Variants in ARHGAP21 observed in about 807,000 individuals in gnomAD.
ARHGAP21 encodes Rho GTPase activating protein 21.
Under a neutral mutation model 164.6 loss-of-function variants are expected in ARHGAP21, and 38 were observed. The ratio of observed to expected loss-of-function variants is 0.23; its 90% CI spans 0.18 to 0.30. ARHGAP21 has a LOEUF of 0.30. Ranked by LOEUF, ARHGAP21 falls within the 10% of genes least tolerant of loss-of-function variation. The pLI is 1.00. For missense variants in ARHGAP21, 1,822 were observed against 2,370.7 expected (o/e 0.77, Z 4.81); for synonymous variants, 766 against 857.9 (o/e 0.89, Z 1.87).
chr10:24,686,767 T>A (rs1842249919), intron 2 of ARHGAP21, among the ~76,000 whole-genome samples: 1 of 152,318 alleles, frequency 6.6e-6, no homozygotes, highest in Admixed American at 6.5e-5. Flanking sequence ...GGGCGGCACA[T>A]CCCTGCAGAT....
chr10:24,705,294 TAGC>T (rs1041117868), intron 2 of ARHGAP21, among the ~76,000 whole-genome samples: 4 of 152,182 alleles, frequency 2.6e-5, no homozygotes, highest in African/African-American at 9.7e-5. Context: ...TTTATCCTCT[TAGC>T]AGCCATTCAA....
chr10:24,586,527 T>C (rs1053929542), intron 25 of ARHGAP21, among the ~76,000 whole-genome samples: 10 of 152,106 alleles, frequency 6.6e-5, no homozygotes, highest in African/African-American at 2.2e-4. Context: ...CTGATATAGG[T>C]TATTAAACAT....
At chr10:24,622,787 T>G (rs371004386) in intron 7 of ARHGAP21, 25 bp from the exon 8 acceptor site, 6 of 1,605,934 alleles carry the variant, frequency 3.7e-6, no homozygotes, top group Non-Finnish European at 5.1e-6. Context: ...GAAAACATAG[T>G]AGAAGCTGCT....
chr10:24,587,333 G>A (rs529698795), intron 25 of ARHGAP21, among the ~76,000 whole-genome samples: 10 of 152,036 alleles, frequency 6.6e-5, no homozygotes, highest in African/African-American at 2.4e-4. Context: ...AATATCTGCT[G>A]GTTTACCACA....
rs535556804 is a variant in ARHGAP21, at chr10:24,643,686, G to A, written c.269-8583C>T. On this transcript the variant is annotated intron_variant, in intron 4 of 25. Coordinates refer to ENST00000396432, the MANE Select transcript of ARHGAP21 (RefSeq NM_020824.4). ...ATTCGATGTGCCAATCTCTAACTAC[G>A]GAGAATTCCAAAATACACCTGCTCT... Among the ~76,000 whole-genome samples, 62 of 152,154 alleles carry A rather than the reference G, an allele frequency of 4.1e-4. No homozygotes were observed. The South Asian group carries it at 0.012, about 31-fold the overall frequency.
chr10:24,605,843 C>G lies in ARHGAP21; in HGVS notation c.2685-1495G>C, dbSNP rs1256723449. 2.6e-5 allele frequency: 4 copies of G among 152,004 alleles called. No homozygotes were observed. In the East Asian group the frequency reaches 7.7e-4, roughly 29 times the overall value. The allele number at this position is 152,004 out of a possible 1,614,324, so 9.4% of individuals were successfully genotyped here. On this transcript the variant is annotated intron_variant, in intron 11 of 25. Transcript: ENST00000396432. ...ATTCTGAAAAAACATAAAATAATAG[C>G]CTTACCAGGTAAGACAGACATTATA...
chr10:24,700,366 C>T (rs989052751), intron 2 of ARHGAP21, among the ~76,000 whole-genome samples: 1 of 152,152 alleles, frequency 6.6e-6, no homozygotes, highest in African/African-American at 2.4e-5. Context: ...AGCACACCCA[C>T]AACGCTACAG....
In ARHGAP21 at chr10:24,657,321, G is replaced by A. The variant is rs1445462015; in HGVS notation, c.268+9664C>T. Among the ~76,000 whole-genome samples the A allele has an allele frequency of 6.0e-5, 3 of 50,054 alleles. 1 individual carries two copies. The highest frequency in any genetic ancestry group is 7.5e-5 in the Non-Finnish European group (2 of 26,590). The allele number at this position is 50,054 out of a possible 152,430, so 32.8% of individuals were successfully genotyped here. A position where few individuals can be genotyped will look rare whatever the true frequency, so the allele number is the denominator to read the frequency against. ...GGGGGGGGGGTCAGCCCCCTCGCCC[G>A]GCCAGCCGCCCCGTCCGGGAGGTGA... On this transcript the variant is annotated intron_variant, in intron 4 of 25. Transcript: ENST00000396432.
In ARHGAP21 at chr10:24,655,972, G is replaced by C. The variant is rs2131600032; in HGVS notation, c.268+11013C>G. Among the ~76,000 whole-genome samples the C allele has an allele frequency of 1.6e-5, 2 of 122,818 alleles. 1 individual carries two copies. Among genetic ancestry groups the C allele is most frequent in the South Asian group, 6.3e-4 (2 of 3,182 alleles). 80.6% of individuals were successfully genotyped at this position (122,818 alleles called of 152,430 possible). On this transcript the variant is annotated intron_variant, in intron 4 of 25. Coordinates refer to ENST00000396432, the MANE Select transcript of ARHGAP21 (RefSeq NM_020824.4). ...CGTCTGAGAAGTGAGGAGACCCTCT[G>C]CCTGGCAACCACCCCGTCTGAGAAG...
chr10:24,598,754 G>A (rs925182346), intron 14 of ARHGAP21, among the ~76,000 whole-genome samples: 2 of 152,152 alleles, frequency 1.3e-5, no homozygotes, highest in Admixed American at 6.5e-5. Context: ...CTTTAAATAC[G>A]GGAGTAAGTT....
chr10:24,594,926 T>G (rs1264293167), intron 21 of ARHGAP21, 24 bp downstream of exon 21: 2 of 1,558,578 alleles, frequency 1.3e-6, no homozygotes, highest in Admixed American at 3.4e-5. Flanking sequence ...AAAAGTACAT[T>G]TCTTCAATAA....
intron 17 of ARHGAP21, 54 bp downstream of exon 17, chr10:24,596,686 T>TAATC (rs763528739): frequency 1.2e-5 from 19 of 1,610,384 alleles, no homozygotes; most frequent in Admixed American, 1.0e-4. Context: ...GATCCCATTA[T>TAATC]AATCAAAACT....
rs185086022 is a variant in ARHGAP21 at position 24,597,648 on chromosome 10, C to G, written c.3198-65G>C. 7.6e-6 allele frequency: 12 copies of G among 1,585,850 alleles called. No individual in the cohort carries two copies. The Admixed American group carries it at 1.6e-4, about 21-fold the overall frequency. On this transcript the variant is annotated intron_variant, in intron 15 of 25. Coordinates refer to ENST00000396432, the MANE Select transcript of ARHGAP21 (RefSeq NM_020824.4). Reference sequence around the variant, plus strand: ...CCCCCTCTATCTATGGTTTCAGTTACCCGTGGTGAGCCATGGTCTGAAAAT... The same window carrying G: ...CCCCCTCTATCTATGGTTTCAGTTAGCCGTGGTGAGCCATGGTCTGAAAAT...
In ARHGAP21 at chr10:24,619,422, A is replaced by G. The variant is rs991171204; in HGVS notation, c.2422+51T>C. The G allele has an allele frequency of 6.6e-6, 10 of 1,514,910 alleles. 1 individual carries two copies. The highest frequency in any genetic ancestry group is 1.8e-4 in the Middle Eastern group (1 of 5,694). The allele number at this position is 1,514,910 out of a possible 1,614,324, so 93.8% of individuals were successfully genotyped here. ...GAACTAGAAATAATACTTTTCTGGA[A>G]AGATTTCTTATACATTTGGCATATT... is the stretch of plus-strand genomic sequence containing the variant. On this transcript the variant is annotated intron_variant, in intron 9 of 25. Coordinates refer to ENST00000396432, the MANE Select transcript of ARHGAP21 (RefSeq NM_020824.4).
intron 6 of ARHGAP21, 144 bp downstream of exon 6, chr10:24,633,258 C>A: frequency 1.8e-6 from 1 of 548,550 alleles, no homozygotes; most frequent in Non-Finnish European, 3.0e-6. Context: ...TCCTTGGCAA[C>A]TCTCAAATGC....
intron 2 of ARHGAP21, among the ~76,000 whole-genome samples, chr10:24,711,340 A>C (rs1213073959): frequency 6.6e-6 from 1 of 151,972 alleles, no homozygotes; most frequent in Non-Finnish European, 1.5e-5. Context: ...GGGAACCACT[A>C]AACGAAAAGT....
chr10:24,670,917 T>C (rs1366660133), intron 2 of ARHGAP21, among the ~76,000 whole-genome samples: 1 of 152,174 alleles, frequency 6.6e-6, no homozygotes, highest in Non-Finnish European at 1.5e-5. Context: ...GCCTTCTTGT[T>C]CTTTGACCTC....
intron 2 of ARHGAP21, among the ~76,000 whole-genome samples, chr10:24,699,009 C>A (rs187778636): frequency 6.6e-6 from 1 of 152,142 alleles, no homozygotes; most frequent in Non-Finnish European, 1.5e-5. Context: ...CTACAAAAAG[C>A]GCCTAAAACT....
chr10:24,719,708 A>T (rs569158442), intron 2 of ARHGAP21, among the ~76,000 whole-genome samples: 8 of 152,220 alleles, frequency 5.3e-5, no homozygotes, highest in Non-Finnish European at 7.3e-5. Context: ...GACAAAAATT[A>T]AATGCAATGT....
Sources: gnomAD v4.1 joint callset for allele counts (sites outside exome capture counted in the v4.1 genomes callset) on GRCh38, gnomAD v4.1.1 for gene constraint, MANE v1.5 for transcripts, NCBI Gene and HGNC (gene_info 2026-07-23, HGNC 2026-07-21) for gene names.